Variants in ANP32A observed in about 807,000 individuals in gnomAD.
The protein encoded by ANP32A is acidic leucine-rich nuclear phosphoprotein 32 family member A.
A neutral mutation model predicts 33.9 loss-of-function variants in ANP32A; 1 was observed. The ratio of observed to expected loss-of-function variants is 0.03; its 90% confidence interval spans 0.01 to 0.14. The LOEUF is 0.14. ANP32A is among the 10% of genes least tolerant of loss of function. ANP32A has a pLI of 1.00. For missense variants in ANP32A, 155 were observed against 306.0 expected, an observed-to-expected ratio of 0.51 and a Z score of 3.68; for synonymous variants, 115 against 120.5, an observed-to-expected ratio of 0.95 and a Z score of 0.30.
chr15:68,793,358 C>T (rs1307695343), intron 1 of ANP32A, among the ~76,000 whole-genome samples: 1 of 152,092 alleles, frequency 6.6e-6, no homozygotes, highest in African/African-American at 2.4e-5. Flanking sequence ...TTTCTTGTGC[C>T]CAAGACAAGC....
chr15:68,784,817 G>A (rs2140359862), intron 3 of ANP32A, among the ~76,000 whole-genome samples: 1 of 152,282 alleles, frequency 6.6e-6, no homozygotes, highest in African/African-American at 2.4e-5. Context: ...ATGGGGGGTT[G>A]GACTGGAGGA....
intron 1 of ANP32A, among the ~76,000 whole-genome samples, chr15:68,808,702 C>G (rs894333172): frequency 3.3e-5 from 5 of 152,150 alleles, no homozygotes; most frequent in African/African-American, 1.2e-4. Flanking sequence ...CTGAAGAAAT[C>G]TGAAAGTAAT....
intron 1 of ANP32A, among the ~76,000 whole-genome samples, chr15:68,798,067 CGGT>C (rs1404764725): frequency 1.3e-5 from 2 of 152,212 alleles, no homozygotes; most frequent in Non-Finnish European, 2.9e-5. Context: ...CTGACAGATA[CGGT>C]TAATTCTGGC....
At chr15:68,795,478 A>AG (rs1447910172) in intron 1 of ANP32A, among the ~76,000 whole-genome samples, 1 of 152,224 alleles carries the variant, frequency 6.6e-6, no homozygotes, top group Non-Finnish European at 1.5e-5. Flanking sequence ...CCCGGCTCAT[A>AG]GGCTAAGCCG....
intron 3 of ANP32A, among the ~76,000 whole-genome samples, chr15:68,785,224 G>GAGA (rs1893917171): frequency 6.6e-6 from 1 of 152,190 alleles, no homozygotes; most frequent in Admixed American, 6.6e-5. Context: ...AAAAGGACAA[G>GAGA]AGAAAAAGCA....
intron 1 of ANP32A, among the ~76,000 whole-genome samples, chr15:68,818,720 C>A (rs892860156): frequency 6.6e-6 from 1 of 152,026 alleles, no homozygotes; most frequent in Non-Finnish European, 1.5e-5. Context: ...CCAGGCCAGC[C>A]GCGCCCCCGC....
In ANP32A at chr15:68,784,393, C is replaced by T; in HGVS notation, c.526+4G>A. On this transcript the variant is annotated splice_donor_region_variant and intron_variant, in intron 4 of 6. Coordinates refer to ENST00000465139, the MANE Select transcript of ANP32A (RefSeq NM_006305.4). ...GCAGCCCTGGGCCGCACCCTGTCACCCACCATCCTCATCCTCCTCCTCATC... is the reference window on the plus strand; with the variant it reads ...GCAGCCCTGGGCCGCACCCTGTCACTCACCATCCTCATCCTCCTCCTCATC... 1 of 1,613,616 alleles carries T rather than the reference C, an allele frequency of 6.2e-7. No individual in the cohort carries two copies. The highest frequency in any genetic ancestry group is 1.1e-5 in the South Asian group (1 of 90,980).
intron 1 of ANP32A, among the ~76,000 whole-genome samples, chr15:68,788,186 G>T (rs1004802511): frequency 3.3e-5 from 5 of 152,200 alleles, no homozygotes; most frequent in African/African-American, 1.2e-4. Context: ...CCAGACAGGG[G>T]CCTTGGCTGT....
intron 4 of ANP32A, among the ~76,000 whole-genome samples, chr15:68,783,799 C>G (rs1049066040): frequency 5.3e-5 from 8 of 152,170 alleles, no homozygotes. Flanking sequence ...CTGCAGTCCT[C>G]CACTTCTGAG....
chr15:68,818,297 C>T, intron 1 of ANP32A: 1 of 259,118 alleles, frequency 3.9e-6, no homozygotes, highest in Non-Finnish European at 8.1e-6. Flanking sequence ...TCCCGGAGCC[C>T]AGTTGGGAGA....
intron 1 of ANP32A, chr15:68,818,337 A>G: frequency 5.0e-6 from 1 of 200,232 alleles, no homozygotes; most frequent in East Asian, 1.8e-4. Flanking sequence ...TGGGGGGCCC[A>G]GGGGCAGCGC....
intron 1 of ANP32A, among the ~76,000 whole-genome samples, chr15:68,818,514 C>A (rs1455833987): frequency 6.6e-6 from 1 of 152,114 alleles, no homozygotes; most frequent in East Asian, 1.9e-4. Context: ...CCGCGCCCCA[C>A]CCCGCCTCCA....
chr15:68,783,596 A>C (rs982269030), intron 4 of ANP32A, among the ~76,000 whole-genome samples: 1 of 152,152 alleles, frequency 6.6e-6, no homozygotes, highest in Non-Finnish European at 1.5e-5. Context: ...GAAAACCAAA[A>C]TCCTGTATCT....
At chr15:68,791,392 CG>C (rs1893996317) in intron 1 of ANP32A, 1 of 152,290 alleles carries the variant, frequency 6.6e-6, no homozygotes, top group African/African-American at 2.4e-5. Context: ...ACTCTTACGA[CG>C]GGTAAGGAAA....
chr15:68,808,758 C>T (rs191048704), intron 1 of ANP32A, among the ~76,000 whole-genome samples: 8 of 152,308 alleles, frequency 5.3e-5, no homozygotes, highest in African/African-American at 1.4e-4. Context: ...CCCTATCACC[C>T]CCTGCACACG....
intron 1 of ANP32A, among the ~76,000 whole-genome samples, chr15:68,798,843 G>A (rs923117200): frequency 2.0e-5 from 3 of 152,216 alleles, no homozygotes; most frequent in Non-Finnish European, 4.4e-5. Context: ...CCACCTCTAT[G>A]CAAAATGACA....
chr15:68,783,142 G>A, intron 4 of ANP32A, 89 bp from the exon 5 acceptor site: 3 of 1,526,710 alleles, frequency 2.0e-6, no homozygotes, highest in Non-Finnish European at 2.6e-6. Context: ...AGCGTCTTCA[G>A]TGTGGGGCTC....
intron 5 of ANP32A, among the ~76,000 whole-genome samples, chr15:68,782,298 T>G (rs1893879864): frequency 6.6e-6 from 1 of 152,186 alleles, no homozygotes; most frequent in Non-Finnish European, 1.5e-5. Context: ...GCATTTTACT[T>G]ACACTTCACT....
intron 1 of ANP32A, among the ~76,000 whole-genome samples, chr15:68,794,215 G>T (rs1225334871): frequency 6.6e-6 from 1 of 152,210 alleles, no homozygotes; most frequent in Non-Finnish European, 1.5e-5. Context: ...CAAGGCACAA[G>T]AATGGAAACG....
Sources: gnomAD v4.1 joint callset for allele counts (sites outside exome capture counted in the v4.1 genomes callset) on GRCh38, gnomAD v4.1.1 for gene constraint, MANE v1.5 for transcripts, NCBI Gene and HGNC (gene_info 2026-07-23, HGNC 2026-07-21) for gene names.